Variants in GPC5 observed in about 807,000 individuals in gnomAD.
The protein encoded by GPC5 is glypican 5.
In GPC5, 47 loss-of-function variants were observed where a neutral mutation model predicts 53.9. That is an observed-to-expected ratio of 0.87 (90% CI 0.69 to 1.11). GPC5 has a LOEUF of 1.11. Ranked by LOEUF, GPC5 falls within the 50% of genes most tolerant of loss-of-function variation. GPC5 has a pLI of 0.00. For synonymous variants in GPC5, 286 were observed against 263.3 expected (o/e 1.09, Z -0.84); for missense variants, 748 against 713.1 (o/e 1.05, Z -0.56).
chr13:91,867,452 C>T (rs1427293157), intron 5 of GPC5, among the ~76,000 whole-genome samples: 1 of 152,102 alleles, frequency 6.6e-6, no homozygotes, highest in Non-Finnish European at 1.5e-5. Context: ...GTGTCACTTA[C>T]TAAAACATAG....
chr13:92,001,013 G>A (rs1421463757), intron 6 of GPC5, among the ~76,000 whole-genome samples: 1 of 152,110 alleles, frequency 6.6e-6, no homozygotes, highest in Non-Finnish European at 1.5e-5. Context: ...ACCATTCCTG[G>A]CTCAGTGCCT....
intron 6 of GPC5, among the ~76,000 whole-genome samples, chr13:92,003,325 C>CAAAAAAAAAAAA (rs57075719): frequency 8.0e-5 from 8 of 100,198 alleles, no homozygotes; most frequent in Non-Finnish European, 1.2e-4. Flanking sequence ...TGTCTTAACA[C>CAAAAAAAAAAAA]AAAAAAAAAA....
chr13:92,701,878 C>G (rs956015354), intron 7 of GPC5, among the ~76,000 whole-genome samples: 2 of 152,068 alleles, frequency 1.3e-5, no homozygotes, highest in African/African-American at 4.8e-5. Flanking sequence ...AAAATAAAAG[C>G]TAATTCCAGT....
chr13:91,628,707 A>G (rs958836549), intron 2 of GPC5, among the ~76,000 whole-genome samples: 12 of 152,142 alleles, frequency 7.9e-5, no homozygotes, highest in Non-Finnish European at 1.0e-4. Context: ...TGCTTTATCA[A>G]TAAATAACAA....
At chr13:92,287,571 T>C (rs1054467217) in intron 7 of GPC5, among the ~76,000 whole-genome samples, 1 of 152,190 alleles carries the variant, frequency 6.6e-6, no homozygotes, top group Non-Finnish European at 1.5e-5. Flanking sequence ...TTTATCTTGA[T>C]GAATCAGTAG....
chr13:92,564,878 A>C (rs192466749), intron 7 of GPC5, among the ~76,000 whole-genome samples: 32 of 152,246 alleles, frequency 2.1e-4, no homozygotes, highest in African/African-American at 6.0e-4. Context: ...TTTAAATCCA[A>C]ATAAAAGATG....
intron 7 of GPC5, among the ~76,000 whole-genome samples, chr13:92,244,613 A>G: frequency 6.6e-6 from 1 of 152,144 alleles, no homozygotes; most frequent in East Asian, 1.9e-4. Flanking sequence ...ACTCTGAAAC[A>G]TAGGTGTTTG....
intron 6 of GPC5, among the ~76,000 whole-genome samples, chr13:92,039,566 T>C (rs2040925595): frequency 6.6e-6 from 1 of 152,222 alleles, no homozygotes; most frequent in African/African-American, 2.4e-5. Context: ...CAAAAGTTGG[T>C]TGCTGTATTA....
At chr13:92,778,278 G>A (rs1875890614) in intron 7 of GPC5, among the ~76,000 whole-genome samples, 1 of 152,054 alleles carries the variant, frequency 6.6e-6, no homozygotes, top group Non-Finnish European at 1.5e-5. Context: ...ATTTTAGGTT[G>A]TACTTCATAA....
intron 6 of GPC5, among the ~76,000 whole-genome samples, chr13:91,973,113 G>A (rs1266348147): frequency 6.6e-6 from 1 of 152,196 alleles, no homozygotes; most frequent in African/African-American, 2.4e-5. Flanking sequence ...CCAATCAGAT[G>A]TAGATTTGGT....
intron 6 of GPC5, among the ~76,000 whole-genome samples, chr13:92,124,777 T>C (rs2041681231): frequency 6.6e-6 from 1 of 152,172 alleles, no homozygotes; most frequent in African/African-American, 2.4e-5. Context: ...ACCACTACTC[T>C]AGGTCATTTA....
intron 6 of GPC5, among the ~76,000 whole-genome samples, chr13:92,035,491 G>C (rs1016846389): frequency 6.6e-6 from 1 of 151,986 alleles, no homozygotes. Flanking sequence ...CACTATTTCT[G>C]TTTGTGTCAG....
chr13:92,423,041 G>A (rs1204943224), intron 7 of GPC5, among the ~76,000 whole-genome samples: 2 of 152,238 alleles, frequency 1.3e-5, no homozygotes, highest in Non-Finnish European at 2.9e-5. Flanking sequence ...CAAGGTGCCA[G>A]TACATTGAGT....
chr13:92,390,908 TAATC>T (rs1433826498), intron 7 of GPC5, among the ~76,000 whole-genome samples: 7 of 152,186 alleles, frequency 4.6e-5, no homozygotes, highest in Non-Finnish European at 8.8e-5. Flanking sequence ...ACTGGTCACA[TAATC>T]AATGTGTAGA....
intron 7 of GPC5, among the ~76,000 whole-genome samples, chr13:92,334,942 G>A (rs1025697823): frequency 2.0e-5 from 3 of 152,050 alleles, no homozygotes; most frequent in Admixed American, 6.6e-5. Flanking sequence ...ACAGGCTGGC[G>A]CTGAGTGTCT....
chr13:91,706,347 AG>A (rs933381366), intron 3 of GPC5, among the ~76,000 whole-genome samples: 4 of 152,208 alleles, frequency 2.6e-5, no homozygotes, highest in African/African-American at 9.6e-5. Flanking sequence ...CAAACCAAAA[AG>A]TTCTTGTTTT....
At chr13:92,155,187 T>C (rs2041934839) in intron 7 of GPC5, among the ~76,000 whole-genome samples, 1 of 152,198 alleles carries the variant, frequency 6.6e-6, no homozygotes, top group Admixed American at 6.5e-5. Flanking sequence ...CTTTGTGTCC[T>C]TTAGTCTTAA....
chr13:92,335,073 G>C (rs1238238896), intron 7 of GPC5, among the ~76,000 whole-genome samples: 1 of 151,880 alleles, frequency 6.6e-6, no homozygotes, highest in Non-Finnish European at 1.5e-5. Context: ...TCTGTGGGTT[G>C]GGGGGGACTC....
At chr13:92,781,947 A>C (rs1410348416) in intron 7 of GPC5, among the ~76,000 whole-genome samples, 2 of 152,094 alleles carry the variant, frequency 1.3e-5, no homozygotes, top group Non-Finnish European at 2.9e-5. Context: ...ACAAAAGTTA[A>C]TTTCCACACC....
Sources: allele counts gnomAD v4.1 joint callset (sites outside exome capture counted in the v4.1 genomes callset), GRCh38; gene constraint gnomAD v4.1.1; transcripts MANE v1.5; gene names NCBI Gene and HGNC (gene_info 2026-07-23, HGNC 2026-07-21).